The following PBRM1 variants were observed in gnomAD, a reference collection of about 807,000 sequenced individuals.
PBRM1 encodes the protein polybromo 1.
PBRM1 carries 27 observed loss-of-function variants against 194.5 expected under a neutral mutation model. The ratio of observed to expected loss-of-function variants is 0.14; its 90% CI spans 0.10 to 0.19. The LOEUF (loss-of-function observed/expected upper bound fraction) is 0.19, where lower values mean the gene tolerates loss of function less well. PBRM1 is among the 10% of genes least tolerant of loss of function. The pLI, the probability that PBRM1 is intolerant of heterozygous loss-of-function variation, is 1.00. For synonymous variants in PBRM1, 655 were observed against 693.2 expected (o/e 0.94, Z 0.87); for missense variants, 1,466 against 2,077.2 (o/e 0.71, Z 5.72).
chr3:52,637,390 G>A (rs892783575), intron 10 of PBRM1, among the ~76,000 whole-genome samples: 10 of 152,044 alleles, frequency 6.6e-5, no homozygotes, highest in Admixed American at 2.0e-4. Context: ...CCAACAATTC[G>A]AGAGGCAGAG....
At chr3:52,603,138 T>C (rs1001044737) in intron 17 of PBRM1, among the ~76,000 whole-genome samples, 2 of 152,248 alleles carry the variant, frequency 1.3e-5, no homozygotes, top group Admixed American at 1.3e-4. Context: ...AAAGTATCTA[T>C]GAGGAAAGCA....
rs547561242 is a variant in PBRM1, at chr3:52,628,906, C to T, written c.1431G>A (p.Gln477=). ...CAATAAATCACACCTGCATAACTTG[C>T]TGCAATTTTAGAACTCGCTTGTAGA... is the stretch of plus-strand genomic sequence containing the variant. Residue 477 remains glutamine, a synonymous_variant, in exon 12 of 30, where the codon CAG becomes CAA. Transcript: ENST00000296302. 2.5e-6 allele frequency: 4 copies of T among 1,613,692 alleles called. No homozygotes were observed. In the Admixed American group the frequency reaches 5.0e-5, roughly 20 times the overall value.
chr3:52,548,319 T>A, intron 29 of PBRM1, 84 bp from the exon 32 acceptor site: 3 of 876,946 alleles, frequency 3.4e-6, no homozygotes, highest in Non-Finnish European at 5.1e-6. Flanking sequence ...ACGAACTTAT[T>A]AAAACACAAA....
intron 29 of PBRM1, among the ~76,000 whole-genome samples, chr3:52,548,695 G>C (rs1437984297): frequency 1.3e-5 from 2 of 151,974 alleles, no homozygotes; most frequent in African/African-American, 4.8e-5. Context: ...CAAAGTGCTG[G>C]GATTACAGGT....
chr3:52,654,555 C>T (rs2096571669), intron 5 of PBRM1, among the ~76,000 whole-genome samples: 1 of 152,140 alleles, frequency 6.6e-6, no homozygotes, highest in African/African-American at 2.4e-5. Flanking sequence ...TGTTGTCTTT[C>T]AAACTGTCAC....
chr3:52,550,350 T>C, intron 29 of PBRM1, 71 bp downstream of exon 31: 1 of 656,236 alleles, frequency 1.5e-6, no homozygotes, highest in Non-Finnish European at 2.4e-6. Context: ...TATGATATAC[T>C]ATGCTAACAG....
exon 30 of PBRM1, chr3:52,548,046 G>T: frequency 6.3e-7 from 1 of 1,597,490 alleles, no homozygotes; most frequent in Non-Finnish European, 8.5e-7. Context: ...CTATATAAAA[G>T]AAACGTAATG....
At chr3:52,616,218 T>TA (rs1277512834) in intron 14 of PBRM1, among the ~76,000 whole-genome samples, 2 of 152,238 alleles carry the variant, frequency 1.3e-5, no homozygotes, top group African/African-American at 4.8e-5. Flanking sequence ...ACCATTTTTT[T>TA]ATCTATAAGC....
intron 21 of PBRM1, among the ~76,000 whole-genome samples, chr3:52,577,569 T>C (rs1190101007): frequency 6.6e-6 from 1 of 151,974 alleles, no homozygotes; most frequent in African/African-American, 2.4e-5. Context: ...TGACCTGAAG[T>C]ATCATACTTA....
chr3:52,652,944 G>A (rs1018062233), intron 5 of PBRM1, among the ~76,000 whole-genome samples: 9 of 152,224 alleles, frequency 5.9e-5, no homozygotes, highest in African/African-American at 2.2e-4. Context: ...GTTGCAGTGA[G>A]CCGAGATCAC....
chr3:52,623,291 CCT>C (rs1195207633), intron 13 of PBRM1, among the ~76,000 whole-genome samples: 45 of 152,168 alleles, frequency 3.0e-4, no homozygotes, highest in Admixed American at 2.9e-3. Context: ...ACAGCAAGAC[CCT>C]GTTTCCTAAA....
At chr3:52,674,644 ATAT>A (rs376791949) in intron 2 of PBRM1, among the ~76,000 whole-genome samples, 1 of 60,836 alleles carries the variant, frequency 1.6e-5, no homozygotes, top group African/African-American at 4.4e-5. Context: ...AAAAAAAAAA[ATAT>A]ATATATATAT....
rs2081184955 is a variant in PBRM1, at chr3:52,552,352, A to G, written c.4610-1535T>C. Among the ~76,000 whole-genome samples the G allele has an allele frequency of 2.0e-5, 3 of 152,228 alleles. No individual in the cohort carries two copies. In the South Asian group the frequency reaches 6.2e-4, roughly 32 times the overall value. On this transcript the variant is annotated intron_variant, in intron 27 of 29. Coordinates refer to ENST00000296302, the Ensembl canonical transcript of PBRM1. ...CGGTGAGAATCTGAGCTGAGTCACC[A>G]AAAGAGCTCAATGAATCCCCTACTC...
intron 13 of PBRM1, among the ~76,000 whole-genome samples, chr3:52,619,613 T>G (rs1363596616): frequency 1.3e-5 from 2 of 152,172 alleles, no homozygotes; most frequent in African/African-American, 4.8e-5. Context: ...ATCCTTTAGG[T>G]GGAAGAAAGT....
chr3:52,554,399 G>A (rs2081765649), intron 27 of PBRM1, among the ~76,000 whole-genome samples: 1 of 152,274 alleles, frequency 6.6e-6, no homozygotes, highest in South Asian at 2.1e-4. Flanking sequence ...AGAGGACACA[G>A]CCTTCTAGGC....
At chr3:52,552,639 AGGAAGGT>A (rs2081254989) in intron 27 of PBRM1, among the ~76,000 whole-genome samples, 1 of 152,162 alleles carries the variant, frequency 6.6e-6, no homozygotes, top group Non-Finnish European at 1.5e-5. Flanking sequence ...TTAGGATTTC[AGGAAGGT>A]GGAAAGGAAG....
chr3:52,557,288 C>T (rs141485908), intron 26 of PBRM1, among the ~76,000 whole-genome samples: 3 of 152,162 alleles, frequency 2.0e-5, no homozygotes, highest in African/African-American at 7.2e-5. Context: ...AAGTTAGGAG[C>T]GACAATGGAA....
intron 26 of PBRM1, 32 bp downstream of exon 28, chr3:52,558,217 T>C: frequency 2.8e-6 from 4 of 1,451,230 alleles, no homozygotes; most frequent in South Asian, 1.4e-5. Context: ...TTTCTTAAAG[T>C]GGAAAAAAAT....
intron 11 of PBRM1, 89 bp from the exon 13 acceptor site, chr3:52,629,124 C>A: frequency 1.0e-6 from 1 of 981,828 alleles, no homozygotes. Flanking sequence ...TCTTGACAAG[C>A]ACTACATGGT....
Sources: gnomAD v4.1 joint callset for allele counts (sites outside exome capture counted in the v4.1 genomes callset) on GRCh38, gnomAD v4.1.1 for gene constraint, MANE v1.5 for transcripts, NCBI Gene and HGNC (gene_info 2026-07-23, HGNC 2026-07-21) for gene names.